The following ZKSCAN2 variants were observed in gnomAD, a reference collection of about 807,000 sequenced individuals.
The protein encoded by ZKSCAN2 is zinc finger with KRAB and SCAN domains 2, also known as zinc finger protein with KRAB and SCAN domains 2.
Under a neutral mutation model 90.5 loss-of-function variants are expected in ZKSCAN2, and 38 were observed. That is an observed-to-expected ratio of 0.42 (90% CI 0.32 to 0.55). The LOEUF is 0.55. ZKSCAN2 is among the 20% of genes least tolerant of loss of function. The pLI is 0.11. For missense variants in ZKSCAN2, 1,167 were observed against 1,202.6 expected (o/e 0.97, Z 0.44); for synonymous variants, 429 against 421.6 (o/e 1.02, Z -0.22).
In ZKSCAN2 at chr16:25,251,081, A is replaced by T. The variant is rs533066880; in HGVS notation, c.805+828T>A. Among the ~76,000 whole-genome samples, 64 of 152,250 alleles carry T rather than the reference A, an allele frequency of 4.2e-4. No individual in the cohort carries two copies. The Middle Eastern group carries it at 0.014, about 32-fold the overall frequency. ...TTATTTACATATATTTAATAAATAA[A>T]TATTAAATTTATTTGTACCCCAATA... is the stretch of plus-strand genomic sequence containing the variant. On this transcript the variant is annotated intron_variant, in intron 4 of 6. Transcript: ENST00000328086.
Position 25,257,132 on chromosome 16 carries a change from C to G in ZKSCAN2, c.-5G>C, listed in dbSNP as rs1370790032. The G allele has an allele frequency of 6.3e-7, 1 of 1,591,416 alleles. No individual in the cohort carries two copies. Among genetic ancestry groups the G allele is most frequent in the Non-Finnish European group, 8.6e-7 (1 of 1,168,346 alleles). ...AGAGTCGAGGGCGACAGCCATGCTG[C>G]AGCCCAGGGGTCAACTTCACGTCTA... On this transcript the variant is annotated 5_prime_UTR_variant, in exon 1 of 7. Coordinates refer to ENST00000328086, the MANE Select transcript of ZKSCAN2 (RefSeq NM_001012981.5).
At chr16:25,249,166 A>C (rs1962981507) in intron 4 of ZKSCAN2, among the ~76,000 whole-genome samples, 1 of 152,210 alleles carries the variant, frequency 6.6e-6, no homozygotes, top group African/African-American at 2.4e-5. Flanking sequence ...TGGAGATTTG[A>C]TCAAAGGGTA....
intron 5 of ZKSCAN2, 58 bp from the exon 6 acceptor site, chr16:25,244,334 T>C (rs1288456860): frequency 3.3e-6 from 5 of 1,528,932 alleles, no homozygotes; most frequent in African/African-American, 2.8e-5. Context: ...CTAGCCTCTA[T>C]ACTATATACA....
rs1962899161 is a variant in ZKSCAN2, at chr16:25,244,246, G to A, written c.1520C>T (p.Thr507Ile). 3 of 1,613,876 alleles carry A rather than the reference G, an allele frequency of 1.9e-6. No homozygotes were observed. In the East Asian group the frequency reaches 6.7e-5, roughly 36 times the overall value. Residue 507 changes from threonine to isoleucine, a missense_variant, in exon 6 of 7, where the codon ACT becomes ATT. Coordinates refer to ENST00000328086, the MANE Select transcript of ZKSCAN2 (RefSeq NM_001012981.5). ...AGTCTCACGGAGGATATCAAGAAAAGTCTTGGTTTCTTCATAGCCCCAGTG... is the reference window on the plus strand; with the variant it reads ...AGTCTCACGGAGGATATCAAGAAAAATCTTGGTTTCTTCATAGCCCCAGTG... ...GVHWGYEETKTFLDILRETRF... is the reference protein window; with the variant it reads ...GVHWGYEETKIFLDILRETRF...
chr16:25,236,275 A>T lies in ZKSCAN2; in HGVS notation c.*3541T>A, dbSNP rs900651617. 6.6e-6 allele frequency: 1 copy of T among 152,228 alleles called. No homozygotes were observed. The highest frequency in any genetic ancestry group is 2.4e-5 in the African/African-American group (1 of 41,448). The allele number at this position is 152,228 out of a possible 1,614,324, so 9.4% of individuals were successfully genotyped here. On this transcript the variant is annotated 3_prime_UTR_variant, in exon 7 of 7. Transcript: ENST00000328086. ...CTTCCTTCACTTCAGCCTACCTGCC[A>T]CTGGTTATCGAGGTGCTTGGGGGGT...
chr16:25,250,630 A>G (rs1316757371), intron 4 of ZKSCAN2, among the ~76,000 whole-genome samples: 1 of 152,214 alleles, frequency 6.6e-6, no homozygotes, highest in Admixed American at 6.5e-5. Flanking sequence ...ACACACATAC[A>G]TAACTATGTA....
intron 6 of ZKSCAN2, among the ~76,000 whole-genome samples, chr16:25,243,144 C>A (rs185713291): frequency 1.1e-3 from 172 of 152,298 alleles, no homozygotes; most frequent in African/African-American, 4.0e-3. Flanking sequence ...TTCTTTTGTG[C>A]TTACTGAAAC....
chr16:25,250,528 A>G (rs970631733), intron 4 of ZKSCAN2, among the ~76,000 whole-genome samples: 9 of 152,234 alleles, frequency 5.9e-5, no homozygotes, highest in African/African-American at 2.2e-4. Flanking sequence ...AGATTAAAAA[A>G]TTCTAATGTA....
At position 25,246,874 on chromosome 16, in the gene ZKSCAN2, A is replaced by G. The variant is rs1297838631; in HGVS notation, c.1322T>C (p.Met441Thr). The G allele has an allele frequency of 6.2e-7, 1 of 1,614,182 alleles. No individual in the cohort carries two copies. The highest frequency in any genetic ancestry group is 8.5e-7 in the Non-Finnish European group (1 of 1,180,038). The change falls in exon 5 of 7, where the codon ATG (methionine) becomes ACG (threonine). Residue 441 changes from methionine to threonine, a missense_variant. Met to Thr is a moderately conservative substitution (Grantham distance 81). Transcript: ENST00000328086. ...TCTCTTCAGTCTGGGGACAGGTATC[A>G]TCTCCTTTGGTTTATCAGTGGACGG... ...RAPSTDKPKEMIPVPRLKRIA... is the reference protein window; with the variant it reads ...RAPSTDKPKETIPVPRLKRIA...
rs1380287051 is a variant in ZKSCAN2 at position 25,240,232 on chromosome 16, G to T, written c.2488C>A (p.Pro830Thr). ...TTTCCACACTCTCCGCATCTGTAGG[G>T]TTTCTCTCCTGTGTGGATTCTCTGG... ...AHQRIHTGEK[P>T]YRCGECGKCF... Residue 830 changes from proline to threonine, a missense_variant, in exon 7 of 7, where the codon CCC becomes ACC. Pro to Thr is a conservative substitution (Grantham distance 38). Transcript: ENST00000328086. 6.2e-7 allele frequency: 1 copy of T among 1,614,084 alleles called. No homozygotes were observed. Among genetic ancestry groups the T allele is most frequent in the Non-Finnish European group, 8.5e-7 (1 of 1,180,008 alleles).
At chr16:25,242,699 G>A (rs543126088) in intron 6 of ZKSCAN2, among the ~76,000 whole-genome samples, 15 of 152,330 alleles carry the variant, frequency 9.8e-5, no homozygotes, top group African/African-American at 3.6e-4. Context: ...CAGTAGTTCC[G>A]CTCTGAATAA....
Position 25,255,198 on chromosome 16 carries a change from C to T in ZKSCAN2, c.586+8G>A. 4 of 1,595,974 alleles carry T rather than the reference C, an allele frequency of 2.5e-6. No individual in the cohort carries two copies. The highest frequency in any genetic ancestry group is 3.4e-6 in the Non-Finnish European group (4 of 1,173,576). ...TGCACTAGGCGTGCTCCGAGTCTTCCCTCTTACCATTCTTGGGTAAGGGCC... is the reference window on the plus strand; with the variant it reads ...TGCACTAGGCGTGCTCCGAGTCTTCTCTCTTACCATTCTTGGGTAAGGGCC... On this transcript the variant is annotated splice_region_variant and intron_variant, in intron 2 of 6. Transcript: ENST00000328086.
chr16:25,246,899 G>C lies in ZKSCAN2; in HGVS notation c.1297C>G (p.Pro433Ala). The C allele has an allele frequency of 6.2e-7, 1 of 1,614,138 alleles. No individual in the cohort carries two copies. Among genetic ancestry groups the C allele is most frequent in the Non-Finnish European group, 8.5e-7 (1 of 1,180,030 alleles). The change falls in exon 5 of 7, where the codon CCG (proline) becomes GCG (alanine). Residue 433 changes from proline to alanine, a missense_variant. Transcript: ENST00000328086. ...ATCTCCTTTGGTTTATCAGTGGACG[G>C]AGCACGGGCTGCAGGGTTCAACAAA... ...DALLNPAARA[P>A]STDKPKEMIP...
intron 2 of ZKSCAN2, among the ~76,000 whole-genome samples, chr16:25,254,916 C>A (rs1963073904): frequency 6.6e-6 from 1 of 151,798 alleles, no homozygotes; most frequent in African/African-American, 2.4e-5. Context: ...GACTCAGCCT[C>A]CTGAGTAGCT....
chr16:25,244,176 C>A lies in ZKSCAN2; in HGVS notation c.1590G>T (p.Leu530Phe), dbSNP rs370783262. ...ALQACHRKSK[L>F]YGAVAEQLRE... ...GAAGCTGTTCAGCTACAGCCCCATA[C>A]AATTTGCTCTTCCGATGACAGGCTT... Residue 530 changes from leucine to phenylalanine, a missense_variant, in exon 6 of 7, where the codon TTG becomes TTT. Transcript: ENST00000328086. The A allele has an allele frequency of 1.9e-6, 3 of 1,614,176 alleles. No homozygotes were observed. The highest frequency in any genetic ancestry group is 2.5e-6 in the Non-Finnish European group (3 of 1,180,024).
chr16:25,257,587 C>T lies in ZKSCAN2; in HGVS notation c.-460G>A. 1.1e-6 allele frequency: 1 copy of T among 872,740 alleles called. No individual in the cohort carries two copies. The highest frequency in any genetic ancestry group is 1.4e-6 in the Non-Finnish European group (1 of 727,214). 54.1% of individuals were successfully genotyped at this position (872,740 alleles called of 1,614,324 possible). ...GCCCCGCCCGGCGCCAGGTTCCGGG[C>T]TCGGGTCACCGCAGCACGTCCAGGC... On this transcript the variant is annotated 5_prime_UTR_variant, in exon 1 of 7. Transcript: ENST00000328086.
At chr16:25,243,648 G>T in intron 6 of ZKSCAN2, 137 bp downstream of exon 6, 1 of 1,123,852 alleles carries the variant, frequency 8.9e-7, no homozygotes, top group Non-Finnish European at 1.3e-6. Context: ...TATATCCCCT[G>T]TTCTTCAAGT....
chr16:25,240,491 C>T lies in ZKSCAN2; in HGVS notation c.2229G>A (p.Val743=). 6.2e-7 allele frequency: 1 copy of T among 1,614,150 alleles called. No individual in the cohort carries two copies. Among genetic ancestry groups the T allele is most frequent in the Non-Finnish European group, 8.5e-7 (1 of 1,180,034 alleles). ...GKAVVHQRPF[V]GKRPYRLLKY... ...TGAGAAGTCTGTAGGGTCTCTTCCC[C>T]ACAAAAGGCCTCTGATGCACAACGG... is the stretch of plus-strand genomic sequence containing the variant. The change falls in exon 7 of 7, where the codon GTG becomes GTA. Residue 743 remains valine (V), a synonymous_variant. Transcript: ENST00000328086.
chr16:25,242,495 T>C (rs1962869532), intron 6 of ZKSCAN2, among the ~76,000 whole-genome samples: 3 of 152,210 alleles, frequency 2.0e-5, no homozygotes, highest in African/African-American at 7.2e-5. Context: ...GCTCCTGTCC[T>C]TCAGGAGCTC....
Sources: gnomAD v4.1 joint callset for allele counts (sites outside exome capture counted in the v4.1 genomes callset) on GRCh38, gnomAD v4.1.1 for gene constraint, MANE v1.5 for transcripts, NCBI Gene and HGNC (gene_info 2026-07-23, HGNC 2026-07-21) for gene names.